ZNF831: variants seen among roughly 807,000 people sequenced by gnomAD.
ZNF831 encodes the protein zinc finger protein 831.
In ZNF831, 59 loss-of-function variants were observed where a neutral mutation model predicts 95.8. The observed-to-expected ratio is 0.62, with a 90% CI of 0.50 to 0.77. The LOEUF (loss-of-function observed/expected upper bound fraction) is 0.77. Among genes scored for constraint, ZNF831 ranks in the 30% least tolerant of loss-of-function variants. ZNF831 has a pLI of 0.00. For missense variants in ZNF831, 2,205 were observed against 2,164.0 expected, an observed-to-expected ratio of 1.02 and a Z score of -0.38; for synonymous variants, 961 against 925.5, an observed-to-expected ratio of 1.04 and a Z score of -0.70.
chr20:59,241,386 A>G (rs1987327805), intron 4 of ZNF831, among the ~76,000 whole-genome samples: 1 of 151,714 alleles, frequency 6.6e-6, no homozygotes, highest in Non-Finnish European at 1.5e-5. Context: ...CTTGAGCTGC[A>G]TTGCTAAGGG....
chr20:59,156,866 A>G (rs1191711226), intron 2 of ZNF831, among the ~76,000 whole-genome samples: 2 of 152,254 alleles, frequency 1.3e-5, no homozygotes, highest in Non-Finnish European at 2.9e-5. Context: ...TAAACATCTC[A>G]ACTAAATATT....
At chr20:59,233,985 T>G (rs961926009) in intron 4 of ZNF831, among the ~76,000 whole-genome samples, 19 of 152,360 alleles carry the variant, frequency 1.2e-4, no homozygotes, top group Admixed American at 9.8e-4. Context: ...CCTGTCTGCT[T>G]CTTCTACTTC....
chr20:59,252,988 G>C lies in ZNF831; in HGVS notation c.4038G>C (p.Leu1346=). The change falls in exon 5 of 6, where the codon CTG becomes CTC. Residue 1346 remains leucine (L), a synonymous_variant. Transcript: ENST00000371030. The stretch of plus-strand genomic sequence containing the variant: ...CCTCTCCCCTTGCAGGTCTGAATCT[G>C]CAAGAGGAGCCATCTTGTGCCACCT... The part of the protein sequence containing the change: ...QTSSEIAGLN[L]QEEPSCATSE... 4 of 1,613,790 alleles carry C rather than the reference G, an allele frequency of 2.5e-6. No individual in the cohort carries two copies. The highest frequency in any genetic ancestry group is 3.4e-6 in the Non-Finnish European group (4 of 1,179,816).
In ZNF831 at chr20:59,256,678, T is replaced by G. The variant is rs1476354316; in HGVS notation, c.*1935T>G. ...CTCTCCTTAAAATGCATGGACTCAA[T>G]GGCTTGAAGATATTCCCCATGGGGA... On this transcript the variant is annotated 3_prime_UTR_variant, in exon 6 of 6. Transcript: ENST00000371030. The G allele has an allele frequency of 1.3e-5, 2 of 152,220 alleles. No homozygotes were observed. Among genetic ancestry groups the G allele is most frequent in the Admixed American group, 6.5e-5 (1 of 15,282 alleles). 9.4% of individuals were successfully genotyped at this position (152,220 alleles called of 1,614,324 possible).
At chr20:59,144,768 C>T (rs922779503) in intron 1 of ZNF831, among the ~76,000 whole-genome samples, 5 of 152,212 alleles carry the variant, frequency 3.3e-5, no homozygotes, top group Non-Finnish European at 7.3e-5. Flanking sequence ...GAGTCACTGC[C>T]AACATAAGTG....
intron 4 of ZNF831, among the ~76,000 whole-genome samples, chr20:59,216,441 G>A (rs1214071929): frequency 6.6e-6 from 1 of 152,170 alleles, no homozygotes; most frequent in East Asian, 1.9e-4. Flanking sequence ...TGACTGAGAT[G>A]GAGTTTCACT....
At chr20:59,250,863 G>C (rs925586610) in intron 4 of ZNF831, among the ~76,000 whole-genome samples, 3 of 151,886 alleles carry the variant, frequency 2.0e-5, no homozygotes, top group Non-Finnish European at 4.4e-5. Context: ...ACAGCGAAAA[G>C]ATAAGAAAAA....
rs760635631 is a variant in ZNF831 at position 59,254,768 on chromosome 20, G to A, written c.*25G>A. 70 of 1,282,912 alleles carry A rather than the reference G, an allele frequency of 5.5e-5. No homozygotes were observed. The highest frequency in any genetic ancestry group is 7.5e-5 in the Non-Finnish European group (70 of 937,374). The allele number at this position is 1,282,912 out of a possible 1,614,324, so 79.5% of individuals were successfully genotyped here. A position where few individuals can be genotyped will look rare whatever the true frequency, so the allele number is the denominator to read the frequency against. On this transcript the variant is annotated 3_prime_UTR_variant, in exon 6 of 6. Transcript: ENST00000371030. This position sits in a 1 kb window ranked among gnomAD's most constrained non-coding sequence, Gnocchi z 4.5. Reference sequence around the variant, plus strand: ...AAGCTTCCAGAGAAACATGGTGTCTGGTCAAAAAGACTGTTGACGCTTCAC... The same window carrying A: ...AAGCTTCCAGAGAAACATGGTGTCTAGTCAAAAAGACTGTTGACGCTTCAC...
intron 1 of ZNF831, among the ~76,000 whole-genome samples, chr20:59,141,990 A>G (rs2146445021): frequency 6.6e-6 from 1 of 152,282 alleles, no homozygotes; most frequent in African/African-American, 2.4e-5. Flanking sequence ...GGGGAAACTC[A>G]CATGGCTTGG....
rs1397070710 is a variant in ZNF831 at position 59,172,360 on chromosome 20, C to T, written c.-37+8153C>T. Among the ~76,000 whole-genome samples the T allele has an allele frequency of 1.4e-4, 22 of 152,152 alleles. 1 individual carries two copies. The highest frequency in any genetic ancestry group is 1.4e-3 in the Admixed American group (22 of 15,274). On this transcript the variant is annotated intron_variant, in intron 1 of 5. Coordinates refer to ENST00000371030, the MANE Select transcript of ZNF831 (RefSeq NM_178457.3). ...TGGTCCTCTGCTATTCTGGGACCCC[C>T]CAACAACCACAGTGAAATGAGGGAG...
intron 4 of ZNF831, among the ~76,000 whole-genome samples, chr20:59,213,713 G>A (rs892759976): frequency 2.0e-5 from 3 of 152,160 alleles, no homozygotes; most frequent in East Asian, 1.9e-4. Context: ...CTGATTGTGC[G>A]TTGTGTCAAA....
At chr20:59,202,699 G>A (rs113960625) in intron 3 of ZNF831, among the ~76,000 whole-genome samples, 40 of 152,188 alleles carry the variant, frequency 2.6e-4, no homozygotes, top group African/African-American at 8.7e-4. Flanking sequence ...GGTCTTCCAT[G>A]TGCCTCTCAC....
chr20:59,224,871 A>C (rs541542460), intron 4 of ZNF831, among the ~76,000 whole-genome samples: 1 of 152,376 alleles, frequency 6.6e-6, no homozygotes, highest in African/African-American at 2.4e-5. Context: ...TGAATGGTTG[A>C]AAAGTAATTG....
At chr20:59,163,772 G>A (rs944313734), upstream of ZNF831, among the ~76,000 whole-genome samples, 7 of 149,308 alleles carry the variant, frequency 4.7e-5, no homozygotes, top group African/African-American at 2.5e-5. Context: ...GGTTGCTACC[G>A]TGACGTTAGG....
intron 1 of ZNF831, among the ~76,000 whole-genome samples, chr20:59,165,341 A>AG (rs1250667871): frequency 6.6e-6 from 1 of 152,206 alleles, no homozygotes; most frequent in African/African-American, 2.4e-5. Flanking sequence ...CTGTTTGGTT[A>AG]GGGGAGTGGG....
At chr20:59,197,319 G>A (rs906689814) in intron 3 of ZNF831, among the ~76,000 whole-genome samples, 1 of 152,088 alleles carries the variant, frequency 6.6e-6, no homozygotes, top group African/African-American at 2.4e-5. Flanking sequence ...TGTTTCAGGA[G>A]ATCCCACAAG....
chr20:59,222,213 C>G lies in ZNF831; in HGVS notation c.4027+15157C>G, dbSNP rs572057636. Among the ~76,000 whole-genome samples the G allele has an allele frequency of 8.5e-5, 13 of 152,368 alleles. No homozygotes were observed. The South Asian group carries it at 2.3e-3, about 27-fold the overall frequency. ...TCAACGCAGAGCCCCGAACCCCACT[C>G]GCCCCACGGGCTGGGCTGAGCTGGG... On this transcript the variant is annotated intron_variant, in intron 4 of 5. Coordinates refer to ENST00000371030, the MANE Select transcript of ZNF831 (RefSeq NM_178457.3).
Position 59,208,303 on chromosome 20 carries a change from C to T in ZNF831, c.4027+1247C>T, listed in dbSNP as rs1041912377. Among the ~76,000 whole-genome samples, 6 of 152,190 alleles carry T rather than the reference C, an allele frequency of 3.9e-5. No homozygotes were observed. Among genetic ancestry groups the T allele is most frequent in the Non-Finnish European group, 7.3e-5 (5 of 68,036 alleles). ...CATTGGGCTGTGCTTGATACTGCCA[C>T]GCCCCATGGAGGGCATCTCAGGGCT... is the stretch of plus-strand genomic sequence containing the variant. On this transcript the variant is annotated intron_variant, in intron 4 of 5. Coordinates refer to ENST00000371030, the MANE Select transcript of ZNF831 (RefSeq NM_178457.3). This position sits in a 1 kb window ranked among gnomAD's most constrained non-coding sequence, Gnocchi z 4.2.
At chr20:59,139,136 G>A (rs547491437) in intron 1 of ZNF831, among the ~76,000 whole-genome samples, 38 of 152,158 alleles carry the variant, frequency 2.5e-4, no homozygotes, top group African/African-American at 8.7e-4. Context: ...AATGTTATAC[G>A]TTGAATCATA....
Sources: allele counts gnomAD v4.1 joint callset (sites outside exome capture counted in the v4.1 genomes callset), GRCh38; gene constraint gnomAD v4.1.1; non-coding constraint Gnocchi (gnomAD v3.1); transcripts MANE v1.5; gene names NCBI Gene and HGNC (gene_info 2026-07-23, HGNC 2026-07-21).